The following ZNF618 variants were observed in gnomAD, a reference collection of about 807,000 sequenced individuals.
ZNF618 encodes the protein neural precursor cell expressed, developmentally down-regulated 10.
Under a neutral mutation model 103.0 loss-of-function variants are expected in ZNF618, and 34 were observed. That is an observed-to-expected ratio of 0.33 (90% CI 0.25 to 0.44). The LOEUF (loss-of-function observed/expected upper bound fraction) is 0.44. Ranked by LOEUF, ZNF618 falls within the 20% of genes least tolerant of loss-of-function variation. The pLI, the probability that ZNF618 is intolerant of heterozygous loss-of-function variation, is 1.00. For missense variants in ZNF618, 1,059 were observed against 1,295.4 expected (o/e 0.82, Z 2.80); for synonymous variants, 551 against 542.2 (o/e 1.02, Z -0.23).
chr9:113,927,357 C>T (rs1358505843), intron 1 of ZNF618, among the ~76,000 whole-genome samples: 1 of 152,156 alleles, frequency 6.6e-6, no homozygotes, highest in Non-Finnish European at 1.5e-5. Context: ...TTGTTTTTGT[C>T]TCACCTGTTG....
chr9:114,013,202 AT>A (rs765197117), intron 9 of ZNF618, among the ~76,000 whole-genome samples: 3 of 151,978 alleles, frequency 2.0e-5, no homozygotes, highest in Non-Finnish European at 4.4e-5. Context: ...TTAAAAACGT[AT>A]TTTTTTTCTG....
intron 1 of ZNF618, among the ~76,000 whole-genome samples, chr9:113,933,899 G>A (rs1833820246): frequency 6.6e-6 from 1 of 152,090 alleles, no homozygotes; most frequent in African/African-American, 2.4e-5. Flanking sequence ...TCCTGTGGGG[G>A]CCAGGATTGG....
chr9:113,932,797 G>A (rs1476028129), intron 1 of ZNF618, among the ~76,000 whole-genome samples: 1 of 152,134 alleles, frequency 6.6e-6, no homozygotes, highest in African/African-American at 2.4e-5. Flanking sequence ...GAGCCATTAG[G>A]TGAATTTTAA....
At chr9:114,011,884 G>T (rs1309572059) in intron 9 of ZNF618, among the ~76,000 whole-genome samples, 1 of 152,152 alleles carries the variant, frequency 6.6e-6, no homozygotes, top group African/African-American at 2.4e-5. Flanking sequence ...GCATATCCAA[G>T]AATTACTTCC....
intron 2 of ZNF618, 139 bp from the exon 3 acceptor site, chr9:113,988,182 G>C: frequency 2.6e-6 from 3 of 1,133,450 alleles, no homozygotes; most frequent in Non-Finnish European, 3.6e-6. Flanking sequence ...CGTGGGGGTT[G>C]TGTGGGAGGC....
intron 2 of ZNF618, among the ~76,000 whole-genome samples, chr9:113,979,719 A>C (rs1588218142): frequency 6.6e-6 from 1 of 152,164 alleles, no homozygotes; most frequent in Admixed American, 6.5e-5. Flanking sequence ...GCTGACCATC[A>C]CCCATGTGCC....
intron 1 of ZNF618, among the ~76,000 whole-genome samples, chr9:113,921,601 C>T (rs979999165): frequency 1.3e-5 from 2 of 152,192 alleles, no homozygotes; most frequent in African/African-American, 4.8e-5. Flanking sequence ...GAGCTTGGAA[C>T]TGACCAGCTG....
chr9:114,032,141 C>G (rs1015201642), intron 11 of ZNF618, among the ~76,000 whole-genome samples: 5 of 152,214 alleles, frequency 3.3e-5, no homozygotes, highest in Non-Finnish European at 7.4e-5. Flanking sequence ...CCCCTGCTCT[C>G]CCTGTCACGC....
At chr9:114,027,945 A>T (rs771447229) in intron 10 of ZNF618, 21 of 152,024 alleles carry the variant, frequency 1.4e-4, no homozygotes, top group Admixed American at 2.6e-4. Context: ...CATTCATGAG[A>T]ATGAGGCCAG....
Position 114,036,371 on chromosome 9 carries a change from C to T in ZNF618, c.1240C>T (p.His414Tyr). ...YNNLLEHMQSHAADNENNIAS... is the reference protein window; with the variant it reads ...YNNLLEHMQSYAADNENNIAS... The stretch of plus-strand genomic sequence containing the variant: ...CAACCTGTTGGAGCACATGCAGTCC[C>T]ATGCAGGTAAGTAGGATACGGCTTC... The change falls in exon 13 of 15, where the codon CAT (histidine) becomes TAT (tyrosine). Residue 414 changes from histidine to tyrosine, a missense_variant. This residue lies in a region of ZNF618 where 434 missense variants were observed against 476.0 expected (regional missense o/e 0.91). Transcript: ENST00000374126. 1 of 1,577,588 alleles carries T rather than the reference C, an allele frequency of 6.3e-7. No individual in the cohort carries two copies. The highest frequency in any genetic ancestry group is 2.3e-5 in the East Asian group (1 of 43,124).
intron 1 of ZNF618, among the ~76,000 whole-genome samples, chr9:113,902,509 T>C (rs1830654981): frequency 6.6e-6 from 1 of 152,246 alleles, no homozygotes; most frequent in Non-Finnish European, 1.5e-5. Flanking sequence ...CTTATTCTAA[T>C]GTATTTAACA....
intron 9 of ZNF618, 91 bp from the exon 10 acceptor site, chr9:114,016,604 G>A: frequency 1.1e-6 from 1 of 900,586 alleles, no homozygotes. Flanking sequence ...TCCCAGAATG[G>A]GGAGGAGTTT....
chr9:113,951,529 ATG>A (rs72198964), intron 1 of ZNF618, among the ~76,000 whole-genome samples: 600 of 28,084 alleles, frequency 0.021, 71 homozygotes, highest in Admixed American at 0.035. Context: ...ATGTACACAT[ATG>A]TGTGTACATA....
At chr9:113,896,544 AAAG>A (rs1830056492) in intron 1 of ZNF618, among the ~76,000 whole-genome samples, 1 of 152,002 alleles carries the variant, frequency 6.6e-6, no homozygotes, top group South Asian at 2.1e-4. Flanking sequence ...TCTGCTTGCG[AAAG>A]AAGTAATTTC....
intron 3 of ZNF618, among the ~76,000 whole-genome samples, chr9:113,996,521 T>C (rs10759674): frequency 0.6 from 91,581 of 151,990 alleles, 28,042 homozygotes; most frequent in Middle Eastern, 0.74. Context: ...CCTCTGTGAC[T>C]TCAGGAACTA....
Position 113,952,050 on chromosome 9 carries a change from G to A in ZNF618, c.34-17067G>A, listed in dbSNP as rs776222633. Among the ~76,000 whole-genome samples, 13 of 152,086 alleles carry A rather than the reference G, an allele frequency of 8.5e-5. 1 individual carries two copies. Among genetic ancestry groups the A allele is most frequent in the Non-Finnish European group, 1.9e-4 (13 of 68,002 alleles). On this transcript the variant is annotated intron_variant, in intron 1 of 14. Coordinates refer to ENST00000374126, the MANE Select transcript of ZNF618 (RefSeq NM_001318042.2). The stretch of plus-strand genomic sequence containing the variant: ...TGGGTTTGCCATCAGTTATGTGGAC[G>A]GGGCGTTTCATTAAAATTTCCATTA...
intron 13 of ZNF618, among the ~76,000 whole-genome samples, chr9:114,037,350 T>C (rs1358981256): frequency 6.6e-6 from 1 of 152,180 alleles, no homozygotes; most frequent in African/African-American, 2.4e-5. Flanking sequence ...CACACTTCTT[T>C]ACCATTTCAG....
intron 11 of ZNF618, among the ~76,000 whole-genome samples, chr9:114,032,126 G>C (rs1176361713): frequency 6.6e-6 from 1 of 152,186 alleles, no homozygotes; most frequent in East Asian, 1.9e-4. Flanking sequence ...GGGGGTGTGG[G>C]GCTACCCCTG....
chr9:114,008,257 A>T, intron 7 of ZNF618, 87 bp from the exon 8 acceptor site: 1 of 1,566,742 alleles, frequency 6.4e-7, no homozygotes, highest in Non-Finnish European at 8.7e-7. Context: ...GGCTGGGAGC[A>T]GTGGCAGAGG....
Sources: gnomAD v4.1 joint callset for allele counts (sites outside exome capture counted in the v4.1 genomes callset) on GRCh38, gnomAD v4.1.1 for gene constraint, gnomAD v4.1.1 regional missense constraint, MANE v1.5 for transcripts, NCBI Gene and HGNC (gene_info 2026-07-23, HGNC 2026-07-21) for gene names.